Variants in ZFHX3 observed in about 807,000 individuals in gnomAD.
ZFHX3 encodes zinc finger homeobox 3.
In ZFHX3, 42 loss-of-function variants were observed where a neutral mutation model predicts 279.1. That is an observed-to-expected ratio of 0.15 (90% confidence interval 0.12 to 0.19). ZFHX3 has a LOEUF of 0.19. Ranked by LOEUF, ZFHX3 falls within the 10% of genes least tolerant of loss-of-function variation. ZFHX3 has a pLI of 1.00. For synonymous variants in ZFHX3, 2,293 were observed against 1,957.8 expected (o/e 1.17, Z -4.52); for missense variants, 4,981 against 4,754.0 (o/e 1.05, Z -1.40).
intron 1 of ZFHX3, among the ~76,000 whole-genome samples, chr16:73,800,542 TTTC>T (rs1434598750): frequency 6.6e-6 from 1 of 152,024 alleles, no homozygotes; most frequent in Non-Finnish European, 1.5e-5. Context: ...TGTTGTGCTT[TTTC>T]TTCTTCTTCC....
At chr16:73,017,747 GGCCCCAGTGTGCCAGAGACT>G (rs928798844) in intron 1 of ZFHX3, among the ~76,000 whole-genome samples, 58 of 152,114 alleles carry the variant, frequency 3.8e-4, no homozygotes, top group Admixed American at 2.9e-3. Flanking sequence ...ATATCCAAGT[GGCCCCAGTGTGCCAGAGACT>G]GCTCTCTCTG....
intron 3 of ZFHX3, among the ~76,000 whole-genome samples, chr16:73,433,236 T>G (rs185866246): frequency 7.9e-5 from 12 of 152,154 alleles, no homozygotes; most frequent in Admixed American, 7.2e-4. Context: ...CAAGAGAGAT[T>G]TGAAACCCCA....
intron 7 of ZFHX3, among the ~76,000 whole-genome samples, chr16:73,128,925 G>C (rs1966621977): frequency 6.6e-6 from 1 of 152,122 alleles, no homozygotes; most frequent in Non-Finnish European, 1.5e-5. Flanking sequence ...TTGGAGTAAT[G>C]GTCATGTTTT....
At chr16:73,026,269 A>T (rs959150125) in intron 1 of ZFHX3, among the ~76,000 whole-genome samples, 19 of 136,488 alleles carry the variant, frequency 1.4e-4, no homozygotes, top group African/African-American at 2.4e-4. Flanking sequence ...CTTGGGAGGG[A>T]GGCTGAGGCA....
intron 3 of ZFHX3, among the ~76,000 whole-genome samples, chr16:72,915,321 G>C (rs902127136): frequency 4.6e-5 from 7 of 152,044 alleles, no homozygotes; most frequent in Non-Finnish European, 1.0e-4. Context: ...TCAGTGACTG[G>C]GCAGACAGCA....
chr16:72,844,774 G>A (rs1011919065), intron 4 of ZFHX3, among the ~76,000 whole-genome samples: 1 of 152,140 alleles, frequency 6.6e-6, no homozygotes, highest in Non-Finnish European at 1.5e-5. Context: ...AAATTCTTAA[G>A]ATCTTGCTAT....
chr16:72,857,981 C>CT (rs2037793867), intron 4 of ZFHX3, among the ~76,000 whole-genome samples: 1 of 152,236 alleles, frequency 6.6e-6, no homozygotes, highest in South Asian at 2.1e-4. Flanking sequence ...GGACCAGGGC[C>CT]CGCTGCTCCT....
intron 1 of ZFHX3, among the ~76,000 whole-genome samples, chr16:73,695,709 G>C (rs1353361779): frequency 6.6e-6 from 1 of 152,204 alleles, no homozygotes. Context: ...GCTGCCAAGA[G>C]AATGCGATAA....
At chr16:73,202,985 T>G (rs1256925898) in intron 5 of ZFHX3, among the ~76,000 whole-genome samples, 1 of 150,984 alleles carries the variant, frequency 6.6e-6, no homozygotes, top group African/African-American at 2.4e-5. Context: ...TTCTACCCTC[T>G]TCTTGATCTT....
At chr16:73,196,762 T>C (rs996710624) in intron 5 of ZFHX3, among the ~76,000 whole-genome samples, 2 of 152,152 alleles carry the variant, frequency 1.3e-5, no homozygotes, top group Non-Finnish European at 2.9e-5. Flanking sequence ...ACTTAAAAAA[T>C]ACCATTCACC....
chr16:73,574,678 G>A lies in ZFHX3; in HGVS notation c.-1547+105502C>T, dbSNP rs115737169. The stretch of plus-strand genomic sequence containing the variant: ...GTCATCCCTCTGCATGGATTTCTAC[G>A]GCAGGTCTTCATCACCTCTGTTTTC... On this transcript the variant is annotated intron_variant, in intron 2 of 17. Coordinates refer to the ZFHX3 transcript ENST00000641206. Among the ~76,000 whole-genome samples, 736 of 152,164 alleles carry A rather than the reference G, an allele frequency of 4.8e-3. 5 individuals are homozygous for A. The highest frequency in any genetic ancestry group is 0.015 in the African/African-American group (637 of 41,522).
At chr16:73,840,209 G>T (rs2047013437) in intron 1 of ZFHX3, among the ~76,000 whole-genome samples, 1 of 152,156 alleles carries the variant, frequency 6.6e-6, no homozygotes, top group Admixed American at 6.5e-5. Context: ...ACGTAGCAGG[G>T]AGGTAAGATG....
chr16:73,082,903 G>T (rs1356540225), intron 8 of ZFHX3, among the ~76,000 whole-genome samples: 3 of 152,024 alleles, frequency 2.0e-5, no homozygotes, highest in Non-Finnish European at 4.4e-5. Context: ...ACAAAACCTG[G>T]CCAGGCGCAG....
chr16:73,499,122 C>T (rs2019190914), intron 2 of ZFHX3: 1 of 152,140 alleles, frequency 6.6e-6, no homozygotes, highest in Non-Finnish European at 1.5e-5. Context: ...CTGCAAATAC[C>T]ATGCATCTAA....
chr16:73,386,527 T>A (rs2016905973), intron 3 of ZFHX3, among the ~76,000 whole-genome samples: 1 of 152,160 alleles, frequency 6.6e-6, no homozygotes, highest in Admixed American at 6.5e-5. Flanking sequence ...GGACATAACA[T>A]TAATATTGTT....
intron 2 of ZFHX3, chr16:73,486,671 A>C: frequency 5.0e-6 from 2 of 402,936 alleles, no homozygotes; most frequent in South Asian, 3.6e-5. Flanking sequence ...TAGAGGTGTG[A>C]TGCAGTTTTT....
intron 2 of ZFHX3, among the ~76,000 whole-genome samples, chr16:73,576,471 G>A (rs188959574): frequency 1.8e-4 from 27 of 152,250 alleles, no homozygotes; most frequent in African/African-American, 6.0e-4. Context: ...GCTGCAGCAC[G>A]TTTCACCTGG....
chr16:73,410,600 C>T (rs2017446373), intron 3 of ZFHX3, among the ~76,000 whole-genome samples: 1 of 152,116 alleles, frequency 6.6e-6, no homozygotes, highest in Non-Finnish European at 1.5e-5. Flanking sequence ...TACTGTGTAT[C>T]CACAATTAAG....
intron 1 of ZFHX3, among the ~76,000 whole-genome samples, chr16:73,807,832 T>TATTA (rs1960323153): frequency 6.6e-6 from 1 of 151,872 alleles, no homozygotes; most frequent in Non-Finnish European, 1.5e-5. Context: ...GGGACTCTAA[T>TATTA]GTCTTTTTTT....
Sources: gnomAD v4.1 joint callset for allele counts (sites outside exome capture counted in the v4.1 genomes callset) on GRCh38, gnomAD v4.1.1 for gene constraint, MANE v1.5 for transcripts, NCBI Gene and HGNC (gene_info 2026-07-23, HGNC 2026-07-21) for gene names.